ARHGEF38: variants seen among roughly 807,000 people sequenced by gnomAD.
ARHGEF38 encodes the protein Rho guanine nucleotide exchange factor 38.
In ARHGEF38, 79 loss-of-function variants were observed where a neutral mutation model predicts 79.9. The ratio of observed to expected loss-of-function variants is 0.99; its 90% CI spans 0.82 to 1.19. The LOEUF is 1.19. Among genes scored for constraint, ARHGEF38 ranks in the 50% most tolerant of loss-of-function variants. ARHGEF38 has a pLI of 0.00. For synonymous variants in ARHGEF38, 366 were observed against 328.3 expected (o/e 1.11, Z -1.24); for missense variants, 962 against 907.2 (o/e 1.06, Z -0.78).
At chr4:105,560,039 AG>A (rs1172716683) in intron 1 of ARHGEF38, among the ~76,000 whole-genome samples, 1 of 152,186 alleles carries the variant, frequency 6.6e-6, no homozygotes, top group African/African-American at 2.4e-5. Flanking sequence ...TTGACTCAGT[AG>A]GTATTTTATA....
At position 105,679,975 on chromosome 4, in the gene ARHGEF38, C is replaced by G. The variant is rs1301034731; in HGVS notation, c.*2038C>G. The G allele has an allele frequency of 4.6e-6, 6 of 1,305,278 alleles. No individual in the cohort carries two copies. The African/African-American group carries it at 7.3e-5, about 16-fold the overall frequency. The allele number at this position is 1,305,278 out of a possible 1,614,324, so 80.9% of individuals were successfully genotyped here. A position where few individuals can be genotyped will look rare whatever the true frequency, so the allele number is the denominator to read the frequency against. On this transcript the variant is annotated 3_prime_UTR_variant, in exon 14 of 14. Transcript: ENST00000420470. The stretch of plus-strand genomic sequence containing the variant: ...TTCTCTTTGTGACTGTGCAATGTCC[C>G]CATGTAAACACAGTGCATTCTGTTT...
chr4:105,669,684 CAA>C (rs1255069145), intron 13 of ARHGEF38, among the ~76,000 whole-genome samples: 1 of 151,784 alleles, frequency 6.6e-6, no homozygotes, highest in African/African-American at 2.4e-5. Context: ...GTATATATTA[CAA>C]AGTTGTACAA....
At chr4:105,640,567 T>G (rs925150213) in intron 5 of ARHGEF38, among the ~76,000 whole-genome samples, 6 of 152,104 alleles carry the variant, frequency 3.9e-5, no homozygotes, top group Non-Finnish European at 5.9e-5. Context: ...GGAATTCCCC[T>G]CCCATCATCC....
intron 3 of ARHGEF38, among the ~76,000 whole-genome samples, chr4:105,623,515 C>A (rs569933558): frequency 6.6e-6 from 1 of 152,014 alleles, no homozygotes; most frequent in East Asian, 1.9e-4. Context: ...AGTTATGTAC[C>A]TTTTCCTGAT....
At position 105,659,152 on chromosome 4, in the gene ARHGEF38, G is replaced by T; in HGVS notation, c.1332G>T (p.Leu444=). The change falls in exon 10 of 14, where the codon CTG becomes CTT. Residue 444 remains leucine (L), a synonymous_variant. Transcript: ENST00000420470. The stretch of plus-strand genomic sequence containing the variant: ...TCATCCAGAAACGCTATGACAAACT[G>T]CTGGATTGCAACAGCTACCTGCAGC... ...HKLIQKRYDK[L]LDCNSYLQRS... is the part of the protein sequence containing the mutation. 1 of 1,536,158 alleles carries T rather than the reference G, an allele frequency of 6.5e-7. No individual in the cohort carries two copies. The highest frequency in any genetic ancestry group is 8.7e-7 in the Non-Finnish European group (1 of 1,146,890).
intron 13 of ARHGEF38, among the ~76,000 whole-genome samples, chr4:105,669,848 A>G (rs1165226090): frequency 6.6e-6 from 1 of 152,050 alleles, no homozygotes; most frequent in Non-Finnish European, 1.5e-5. Context: ...CTGTCTCCAT[A>G]CATTTGCCTT....
chr4:105,679,545 G>A lies in ARHGEF38; in HGVS notation c.*1608G>A. 2 of 1,149,412 alleles carry A rather than the reference G, an allele frequency of 1.7e-6. No homozygotes were observed. The highest frequency in any genetic ancestry group is 2.6e-6 in the Non-Finnish European group (2 of 758,644). The allele number at this position is 1,149,412 out of a possible 1,614,324, so 71.2% of individuals were successfully genotyped here. On this transcript the variant is annotated 3_prime_UTR_variant, in exon 14 of 14. Transcript: ENST00000420470. Reference sequence around the variant, plus strand: ...TACACCAGAAATGTGGGCTAAAGCTGCAGCCAATGCATCTATCGCCCCTTT... The same window carrying A: ...TACACCAGAAATGTGGGCTAAAGCTACAGCCAATGCATCTATCGCCCCTTT...
At chr4:105,647,239 A>G (rs1729882739) in intron 6 of ARHGEF38, among the ~76,000 whole-genome samples, 1 of 152,084 alleles carries the variant, frequency 6.6e-6, no homozygotes, top group African/African-American at 2.4e-5. Flanking sequence ...TGTTTTCTTC[A>G]GACGTACTCT....
intron 7 of ARHGEF38, 131 bp downstream of exon 7, chr4:105,648,813 T>A: frequency 1.2e-6 from 1 of 849,632 alleles, no homozygotes; most frequent in Non-Finnish European, 1.7e-6. Context: ...GCTGTTCTCT[T>A]GTCTCCCTCT....
chr4:105,648,973 G>A (rs948855389), intron 7 of ARHGEF38, among the ~76,000 whole-genome samples: 1 of 151,948 alleles, frequency 6.6e-6, no homozygotes, highest in African/African-American at 2.4e-5. Context: ...GGGACATAAG[G>A]TTGCCCCAGG....
intron 2 of ARHGEF38, among the ~76,000 whole-genome samples, chr4:105,591,133 A>T (rs1026794211): frequency 6.6e-6 from 1 of 151,548 alleles, no homozygotes; most frequent in Non-Finnish European, 1.5e-5. Flanking sequence ...ATTACCCATG[A>T]TTATAAAAGC....
chr4:105,613,473 C>T lies in ARHGEF38; in HGVS notation c.474C>T (p.Ala158=). Residue 158 remains alanine (A), a synonymous_variant, in exon 3 of 14, where the codon GCC becomes GCT. Coordinates refer to ENST00000420470, the MANE Select transcript of ARHGEF38 (RefSeq NM_001242729.2). ...AGCTGCTGTCATTGTTGGAAGAGGCCACAACAGACGTGGAACCGGCCATGC... is the reference window on the plus strand; with the variant it reads ...AGCTGCTGTCATTGTTGGAAGAGGCTACAACAGACGTGGAACCGGCCATGC... ...SAKLLSLLEE[A]TTDVEPAMQV... 6.2e-7 allele frequency: 1 copy of T among 1,613,178 alleles called. No homozygotes were observed. Among genetic ancestry groups the T allele is most frequent in the Non-Finnish European group, 8.5e-7 (1 of 1,179,358 alleles).
chr4:105,633,210 G>T (rs1322640576), intron 4 of ARHGEF38: 1 of 152,184 alleles, frequency 6.6e-6, no homozygotes, highest in Non-Finnish European at 1.5e-5. Context: ...TTAAGGGAAA[G>T]AAAATCAAAT....
rs1040866067 is a variant in ARHGEF38, at chr4:105,667,253, A to T, written c.1814A>T (p.Glu605Val). 5.9e-6 allele frequency: 9 copies of T among 1,536,068 alleles called. No homozygotes were observed. Among genetic ancestry groups the T allele is most frequent in the Middle Eastern group, 1.7e-4 (1 of 6,012 alleles). ...CAAGAATATGACATCAATCTTCTGGAAGGAGACTTGGTGGCTGTGATAGAA... is the reference window on the plus strand; with the variant it reads ...CAAGAATATGACATCAATCTTCTGGTAGGAGACTTGGTGGCTGTGATAGAA... The part of the protein sequence containing the change: ...ATQEYDINLL[E>V]GDLVAVIEQK... Residue 605 changes from glutamate to valine, a missense_variant, in exon 12 of 14, where the codon GAA (glutamate) becomes GTA (valine). By Grantham distance (121) the Glu-to-Val change is moderately radical. Transcript: ENST00000420470.
At chr4:105,630,676 G>C (rs2110516886) in intron 3 of ARHGEF38, among the ~76,000 whole-genome samples, 3 of 151,584 alleles carry the variant, frequency 2.0e-5, no homozygotes, top group Admixed American at 2.0e-4. Context: ...AAAAAGAAAA[G>C]ACAGAAAAAG....
Position 105,651,212 on chromosome 4 carries a change from G to T in ARHGEF38, c.1008+2530G>T, listed in dbSNP as rs1730089913. 2.6e-5 allele frequency among the ~76,000 whole-genome samples: 4 copies of T among 152,218 alleles called. No homozygotes were observed. The South Asian group carries it at 6.2e-4, about 24-fold the overall frequency. On this transcript the variant is annotated intron_variant, in intron 7 of 13. Transcript: ENST00000420470. ...AAGTAGCCTGAAGGGATATTAATTA[G>T]ATTTTTCCCCTTAATCTTTTGAGAG...
At chr4:105,559,176 A>G (rs547318129) in intron 1 of ARHGEF38, among the ~76,000 whole-genome samples, 17 of 152,298 alleles carry the variant, frequency 1.1e-4, no homozygotes, top group Non-Finnish European at 2.5e-4. Flanking sequence ...CTAAATTTAT[A>G]AGCAGTATCG....
At chr4:105,555,240 CAAG>C (rs1258634238) in intron 1 of ARHGEF38, among the ~76,000 whole-genome samples, 1 of 152,010 alleles carries the variant, frequency 6.6e-6, no homozygotes, top group Admixed American at 6.6e-5. Context: ...GAAAAATCAC[CAAG>C]AAGTATAGAG....
At chr4:105,612,663 T>G (rs1728340949) in intron 2 of ARHGEF38, among the ~76,000 whole-genome samples, 2 of 152,126 alleles carry the variant, frequency 1.3e-5, no homozygotes, top group African/African-American at 4.8e-5. Context: ...TGAGGATAGT[T>G]GTCCATCCCT....
Sources: gnomAD v4.1 joint callset for allele counts (sites outside exome capture counted in the v4.1 genomes callset) on GRCh38, gnomAD v4.1.1 for gene constraint, MANE v1.5 for transcripts, NCBI Gene and HGNC (gene_info 2026-07-23, HGNC 2026-07-21) for gene names.